CD58: variants seen among roughly 807,000 people sequenced by gnomAD.
The protein encoded by CD58 is CD58 molecule.
Under a neutral mutation model 27.6 loss-of-function variants are expected in CD58, and 14 were observed. That is an observed-to-expected ratio of 0.51 (90% CI 0.34 to 0.79). The LOEUF (loss-of-function observed/expected upper bound fraction) is 0.79, where lower values mean the gene tolerates loss of function less well. CD58 is among the 30% of genes least tolerant of loss of function. The probability of loss-of-function intolerance (pLI) is 0.02; values close to 1 mark genes in which losing one functional copy is unlikely to be tolerated. For missense variants in CD58, 268 were observed against 301.7 expected (o/e 0.89, Z 0.83); for synonymous variants, 117 against 103.8 (o/e 1.13, Z -0.77).
At chr1:116,568,026 A>G (rs974086344) in intron 1 of CD58, among the ~76,000 whole-genome samples, 1 of 145,796 alleles carries the variant, frequency 6.9e-6, no homozygotes, top group Non-Finnish European at 1.5e-5. Context: ...TAGCCCAGAC[A>G]CTTCAAAAAT....
intron 1 of CD58, among the ~76,000 whole-genome samples, chr1:116,549,434 C>T (rs1318523571): frequency 1.3e-5 from 2 of 152,138 alleles, no homozygotes; most frequent in East Asian, 3.8e-4. Context: ...GGAGCAATGG[C>T]ATGAGAAAAG....
Position 116,557,226 on chromosome 1 carries a change from T to A in CD58, c.71-12622A>T, listed in dbSNP as rs1571086491. 6.6e-6 allele frequency among the ~76,000 whole-genome samples: 1 copy of A among 152,346 alleles called. No homozygotes were observed. The highest frequency in any genetic ancestry group is 2.4e-5 in the African/African-American group (1 of 41,586). ...CAGTCACCCCAAACCCTGGGCTTTG[T>A]GAAATCCCAAATTGCTGTGGAACCT... is the stretch of plus-strand genomic sequence containing the variant. On this transcript the variant is annotated intron_variant, in intron 1 of 5. Transcript: ENST00000369489. This position sits in a 1 kb window ranked among gnomAD's most constrained non-coding sequence, Gnocchi z 5.2.
In CD58 at chr1:116,534,163, T is replaced by A. The variant is rs2101173289; in HGVS notation, c.628+1802A>T. ...AACTAGGCTAAGGCACTCAGGCCAG[T>A]CCTCGGGGAGCACACGCCGCCCATC... On this transcript the variant is annotated intron_variant, in intron 3 of 5. Transcript: ENST00000369489. The surrounding 1 kb of genome is among the most constrained non-coding windows in gnomAD (Gnocchi z 5.3). 3.1e-6 allele frequency: 2 copies of A among 644,432 alleles called. No homozygotes were observed. Among genetic ancestry groups the A allele is most frequent in the East Asian group, 6.4e-5 (2 of 31,340 alleles). The allele number at this position is 644,432 out of a possible 1,614,324, so 39.9% of individuals were successfully genotyped here.
intron 3 of CD58, among the ~76,000 whole-genome samples, chr1:116,525,940 C>T (rs948417210): frequency 2.6e-5 from 4 of 152,140 alleles, no homozygotes; most frequent in South Asian, 2.1e-4. Flanking sequence ...TGTGAGCCAC[C>T]GCACCCGGCC....
rs754559234 is a variant in CD58 at position 116,536,138 on chromosome 1, C to T, written c.455G>A (p.Arg152Gln). Reference protein sequence around the residue: ...CMIPEHYNSHRGLIMYSWDCP... With the variant: ...CMIPEHYNSHQGLIMYSWDCP... ...ATCCCATGAGTACATTATAAGTCCT[C>T]GATGGCTGTTGTAATGCTCTGGTAT... The change falls in exon 3 of 6, where the codon CGA (arginine) becomes CAA (glutamine). Residue 152 changes from arginine (R) to glutamine (Q), a missense_variant. By Grantham distance (43) the Arg-to-Gln change is conservative. Transcript: ENST00000369489. This position sits in a 1 kb window ranked among gnomAD's most constrained non-coding sequence, Gnocchi z 5.4. 5.0e-6 allele frequency: 8 copies of T among 1,613,376 alleles called. No individual in the cohort carries two copies. The highest frequency in any genetic ancestry group is 1.3e-5 in the African/African-American group (1 of 74,882).
At chr1:116,567,439 C>T (rs773717964) in intron 1 of CD58, among the ~76,000 whole-genome samples, 1 of 151,988 alleles carries the variant, frequency 6.6e-6, no homozygotes, top group South Asian at 2.1e-4. Flanking sequence ...AGTTTAAGAC[C>T]AGTCTGGGCA....
Position 116,519,146 on chromosome 1 carries a change from T to G in CD58, c.743+85A>C, listed in dbSNP as rs1657186005. ...CTGTACAAGGCAACCAACAGATGAG[T>G]ACAATCTGGCTTCCCAAGTAATGGG... On this transcript the variant is annotated intron_variant, in intron 5 of 5. Transcript: ENST00000369489. This position sits in a 1 kb window ranked among gnomAD's most constrained non-coding sequence, Gnocchi z 4.7. 6.3e-7 allele frequency: 1 copy of G among 1,588,234 alleles called. No homozygotes were observed. Among genetic ancestry groups the G allele is most frequent in the Non-Finnish European group, 8.6e-7 (1 of 1,164,724 alleles).
At position 116,519,680 on chromosome 1, in the gene CD58, G is replaced by C. The variant is rs1010036416; in HGVS notation, c.707-413C>G. Among the ~76,000 whole-genome samples, 5 of 152,090 alleles carry C rather than the reference G, an allele frequency of 3.3e-5. No homozygotes were observed. On this transcript the variant is annotated intron_variant, in intron 4 of 5. Coordinates refer to ENST00000369489, the MANE Select transcript of CD58 (RefSeq NM_001779.3). This position sits in a 1 kb window ranked among gnomAD's most constrained non-coding sequence, Gnocchi z 4.7. ...TTTAATATTTTATTTAACACAATGT[G>C]TCACAAATATAAAATTATTTCAACA...
intron 1 of CD58, among the ~76,000 whole-genome samples, chr1:116,565,633 A>G (rs1427987926): frequency 6.6e-6 from 1 of 152,078 alleles, no homozygotes; most frequent in Non-Finnish European, 1.5e-5. Context: ...ATGAGATACA[A>G]AAAAATACAT....
At chr1:116,540,999 G>A (rs927936520) in intron 2 of CD58, among the ~76,000 whole-genome samples, 5 of 152,032 alleles carry the variant, frequency 3.3e-5, no homozygotes, top group African/African-American at 9.7e-5. Context: ...TGTAGAGATG[G>A]AGTCTTGCTA....
At chr1:116,555,314 T>TTTA (rs1363041399) in intron 1 of CD58, among the ~76,000 whole-genome samples, 1 of 152,092 alleles carries the variant, frequency 6.6e-6, no homozygotes, top group Non-Finnish European at 1.5e-5. Context: ...TTGAGAGTCT[T>TTTA]TTTACACTGG....
intron 1 of CD58, among the ~76,000 whole-genome samples, chr1:116,560,493 T>C (rs2101222674): frequency 6.6e-6 from 1 of 152,366 alleles, no homozygotes; most frequent in Non-Finnish European, 1.5e-5. Flanking sequence ...CTATTGCAAG[T>C]AGTTTACAAT....
intron 1 of CD58, among the ~76,000 whole-genome samples, chr1:116,545,787 AGTT>A (rs539908005): frequency 4.6e-4 from 70 of 152,288 alleles, no homozygotes; most frequent in African/African-American, 1.6e-3. Flanking sequence ...ATACCAACCT[AGTT>A]GTTAAACATT....
chr1:116,523,605 C>T lies in CD58; in HGVS notation c.629-1622G>A, dbSNP rs1380937640. On this transcript the variant is annotated intron_variant, in intron 3 of 5. Coordinates refer to ENST00000369489, the MANE Select transcript of CD58 (RefSeq NM_001779.3). The surrounding 1 kb of genome is among the most constrained non-coding windows in gnomAD (Gnocchi z 4.4). ...AGATATTCCTTGGCAATAATACTCCCCAAGTAGTGTTTGTATACTTCCCTT... is the reference window on the plus strand; with the variant it reads ...AGATATTCCTTGGCAATAATACTCCTCAAGTAGTGTTTGTATACTTCCCTT... Among the ~76,000 whole-genome samples, 5 of 152,142 alleles carry T rather than the reference C, an allele frequency of 3.3e-5. No homozygotes were observed. Among genetic ancestry groups the T allele is most frequent in the African/African-American group, 1.2e-4 (5 of 41,422 alleles).
intron 2 of CD58, among the ~76,000 whole-genome samples, chr1:116,543,977 C>T (rs2101189040): frequency 6.6e-6 from 1 of 152,258 alleles, no homozygotes; most frequent in East Asian, 1.9e-4. Context: ...AATCTCCCCG[C>T]TGTGTGGGGA....
chr1:116,525,628 C>T (rs1657404231), intron 3 of CD58, among the ~76,000 whole-genome samples: 1 of 152,186 alleles, frequency 6.6e-6, no homozygotes, highest in Non-Finnish European at 1.5e-5. Flanking sequence ...TCCAAAGTGG[C>T]TGTACCATTT....
At chr1:116,520,523 T>A (rs935348166) in intron 4 of CD58, among the ~76,000 whole-genome samples, 3 of 151,246 alleles carry the variant, frequency 2.0e-5, no homozygotes, top group Admixed American at 1.3e-4. Context: ...TTTTTTTTTT[T>A]AAGTGAAATC....
rs1388896984 is a variant in CD58, at chr1:116,517,233, A to C, written c.743+1998T>G. 6.6e-6 allele frequency among the ~76,000 whole-genome samples: 1 copy of C among 151,988 alleles called. No homozygotes were observed. The highest frequency in any genetic ancestry group is 1.5e-5 in the Non-Finnish European group (1 of 67,980). On this transcript the variant is annotated intron_variant, in intron 5 of 5. Coordinates refer to ENST00000369489, the MANE Select transcript of CD58 (RefSeq NM_001779.3). This position sits in a 1 kb window ranked among gnomAD's most constrained non-coding sequence, Gnocchi z 6.5. The stretch of plus-strand genomic sequence containing the variant: ...AGATCTGAAATGCCTTCCTCTGACC[A>C]CAAGCCTGGAGGTCCCTACCTCTCC...
intron 2 of CD58, among the ~76,000 whole-genome samples, chr1:116,540,705 C>T (rs1241488262): frequency 6.6e-6 from 1 of 152,234 alleles, no homozygotes; most frequent in African/African-American, 2.4e-5. Context: ...ACTCACCTCC[C>T]CTGTACTTTA....
Sources: gnomAD v4.1 joint callset for allele counts (sites outside exome capture counted in the v4.1 genomes callset) on GRCh38, gnomAD v4.1.1 for gene constraint, Gnocchi (gnomAD v3.1) non-coding constraint, MANE v1.5 for transcripts, NCBI Gene and HGNC (gene_info 2026-07-23, HGNC 2026-07-21) for gene names.